Variants in GLDC observed in about 807,000 individuals in gnomAD.
GLDC encodes glycine dehydrogenase (decarboxylating), mitochondrial.
GLDC carries 104 observed loss-of-function variants against 121.3 expected under a neutral mutation model. That is an observed-to-expected ratio of 0.86 (90% CI 0.73 to 1.01). The LOEUF is 1.01. GLDC is among the 50% of genes least tolerant of loss of function. The pLI is 0.00. For synonymous variants in GLDC, 546 were observed against 480.6 expected, an observed-to-expected ratio of 1.14 and a Z score of -1.78; for missense variants, 1,429 against 1,306.6, an observed-to-expected ratio of 1.09 and a Z score of -1.44.
chr9:6,633,031 T>C (rs1378603766), intron 2 of GLDC, among the ~76,000 whole-genome samples: 1 of 152,130 alleles, frequency 6.6e-6, no homozygotes, highest in Admixed American at 6.6e-5. Context: ...ACAATAGCTC[T>C]TCTGAAATTC....
At chr9:6,562,597 T>C (rs982615827) in intron 16 of GLDC, among the ~76,000 whole-genome samples, 10 of 152,196 alleles carry the variant, frequency 6.6e-5, no homozygotes, top group Non-Finnish European at 1.5e-5. Context: ...TCTTGCTCTG[T>C]TGCCCAGGCT....
At chr9:6,537,956 C>G (rs540952189) in intron 22 of GLDC, among the ~76,000 whole-genome samples, 12 of 152,194 alleles carry the variant, frequency 7.9e-5, no homozygotes, top group Non-Finnish European at 1.8e-4. Context: ...GTACACTTCA[C>G]TCTTAAACCC....
chr9:6,607,987 G>C (rs113073519), intron 4 of GLDC, among the ~76,000 whole-genome samples: 1 of 152,024 alleles, frequency 6.6e-6, no homozygotes, highest in Non-Finnish European at 1.5e-5. Flanking sequence ...GCTGGGCATG[G>C]TGGCATGGGC....
intron 14 of GLDC, 52 bp from the exon 15 acceptor site, chr9:6,587,335 CAAT>C (rs765574032): frequency 3.9e-6 from 5 of 1,290,608 alleles, no homozygotes; most frequent in Non-Finnish European, 4.5e-6. Flanking sequence ...ATAGCAATAG[CAAT>C]AATAACTTTA....
chr9:6,573,545 G>C (rs1220957860), intron 15 of GLDC, among the ~76,000 whole-genome samples: 2 of 149,304 alleles, frequency 1.3e-5, no homozygotes, highest in East Asian at 2.1e-4. Context: ...TAAAGCAAAA[G>C]AAGAAGAAAA....
At chr9:6,639,668 A>AAAAAAAAATATATATAT in intron 2 of GLDC, 61 of 250,516 alleles carry the variant, frequency 2.4e-4, no homozygotes, top group African/African-American at 2.1e-3. Context: ...ATAAAAAAAA[A>AAAAAAAAATATATATAT]GTATATATAT....
intron 2 of GLDC, among the ~76,000 whole-genome samples, chr9:6,636,778 A>C (rs1819511183): frequency 6.6e-6 from 1 of 151,804 alleles, no homozygotes; most frequent in Non-Finnish European, 1.5e-5. Context: ...CCATCTCAAA[A>C]ATAAAATTAA....
chr9:6,597,777 A>T (rs1044771337), intron 8 of GLDC, among the ~76,000 whole-genome samples: 1 of 152,110 alleles, frequency 6.6e-6, no homozygotes, highest in South Asian at 2.1e-4. Context: ...TCTACTAAAA[A>T]TACAATAAAT....
chr9:6,619,661 G>A (rs997712738), intron 3 of GLDC, among the ~76,000 whole-genome samples: 5 of 152,220 alleles, frequency 3.3e-5, no homozygotes, highest in African/African-American at 1.2e-4. Flanking sequence ...CTGGGAGGCA[G>A]AGGTTGCAGT....
chr9:6,602,706 C>T (rs1367449058), intron 7 of GLDC, among the ~76,000 whole-genome samples: 5 of 151,990 alleles, frequency 3.3e-5, no homozygotes, highest in African/African-American at 9.7e-5. Flanking sequence ...TACAATAAGT[C>T]TAGGAATTTT....
intron 3 of GLDC, among the ~76,000 whole-genome samples, chr9:6,617,083 C>T (rs1818980948): frequency 6.6e-6 from 1 of 152,082 alleles, no homozygotes; most frequent in South Asian, 2.1e-4. Flanking sequence ...CTATGTCATC[C>T]ATTTATTTTC....
intron 2 of GLDC, among the ~76,000 whole-genome samples, chr9:6,629,259 G>T (rs1337276743): frequency 1.3e-5 from 2 of 150,752 alleles, no homozygotes; most frequent in East Asian, 1.9e-4. Flanking sequence ...CTGTTGCCCA[G>T]GTTGGAGTGC....
chr9:6,567,106 G>A (rs1156913861), intron 15 of GLDC: 1 of 151,574 alleles, frequency 6.6e-6, no homozygotes. Flanking sequence ...CTGATTGATA[G>A]AACTGGGGGG....
intron 3 of GLDC, among the ~76,000 whole-genome samples, chr9:6,612,172 T>TAC (rs33971598): frequency 2.6e-5 from 4 of 150,958 alleles, no homozygotes; most frequent in South Asian, 2.1e-4. Context: ...TTCTGTTGTA[T>TAC]ACACACACAC....
At chr9:6,624,015 CTCTG>C (rs995049183) in intron 2 of GLDC, among the ~76,000 whole-genome samples, 9 of 152,212 alleles carry the variant, frequency 5.9e-5, no homozygotes, top group African/African-American at 1.9e-4. Context: ...CTGTGAAGGG[CTCTG>C]TCTGTCAAAC....
intron 2 of GLDC, among the ~76,000 whole-genome samples, chr9:6,629,958 T>TGTGTGTATATATATA: frequency 1.3e-5 from 1 of 78,678 alleles, no homozygotes; most frequent in African/African-American, 6.1e-5. Context: ...TATATATATA[T>TGTGTGTATATATATA]TTTTTTTTTT....
chr9:6,573,263 T>G (rs1009701790), intron 15 of GLDC, among the ~76,000 whole-genome samples: 2 of 151,458 alleles, frequency 1.3e-5, no homozygotes, highest in Admixed American at 6.6e-5. Flanking sequence ...GAGTTCAAGA[T>G]CAGCCTGGCC....
At chr9:6,626,712 T>C (rs1248216605) in intron 2 of GLDC, among the ~76,000 whole-genome samples, 1 of 152,172 alleles carries the variant, frequency 6.6e-6, no homozygotes, top group African/African-American at 2.4e-5. Context: ...CTCATACCTC[T>C]CCGCACAGGT....
At chr9:6,552,719 C>T (rs1817540207) in intron 20 of GLDC, among the ~76,000 whole-genome samples, 1 of 152,094 alleles carries the variant, frequency 6.6e-6, no homozygotes, top group African/African-American at 2.4e-5. Context: ...TATTCACAGT[C>T]TTGTCAGTCC....
Sources: allele counts gnomAD v4.1 joint callset (sites outside exome capture counted in the v4.1 genomes callset), GRCh38; gene constraint gnomAD v4.1.1; transcripts MANE v1.5; gene names NCBI Gene and HGNC (gene_info 2026-07-23, HGNC 2026-07-21).